The following CECR2 variants were observed in gnomAD, a reference collection of about 807,000 sequenced individuals.
CECR2 encodes CECR2 histone acetyl-lysine reader, also known as chromatin remodeling regulator CECR2.
In CECR2, 30 loss-of-function variants were observed where a neutral mutation model predicts 154.5. The ratio of observed to expected loss-of-function variants is 0.19; its 90% CI spans 0.15 to 0.26. The LOEUF (loss-of-function observed/expected upper bound fraction) is 0.26. Ranked by LOEUF, CECR2 falls within the 10% of genes least tolerant of loss-of-function variation. The probability of loss-of-function intolerance (pLI) is 1.00; values close to 1 mark genes in which losing one functional copy is unlikely to be tolerated. For synonymous variants in CECR2, 725 were observed against 683.7 expected, an observed-to-expected ratio of 1.06 and a Z score of -0.94; for missense variants, 1,743 against 1,829.3, an observed-to-expected ratio of 0.95 and a Z score of 0.86.
At chr22:17,472,299 G>C (rs1484339668) in intron 1 of CECR2, among the ~76,000 whole-genome samples, 1 of 152,216 alleles carries the variant, frequency 6.6e-6, no homozygotes, top group Non-Finnish European at 1.5e-5. Flanking sequence ...AAGTTAGAAA[G>C]CATCAGCTGT....
intron 1 of CECR2, 89 bp from the exon 2 acceptor site, chr22:17,477,499 T>G: frequency 1.1e-6 from 1 of 871,616 alleles, no homozygotes; most frequent in Non-Finnish European, 1.9e-6. Flanking sequence ...GACCATTCAG[T>G]TCTTGGGGCT....
Position 17,369,566 on chromosome 22 carries a change from C to T in CECR2, c.-218C>T, listed in dbSNP as rs1211852610. 1 of 147,894 alleles carries T rather than the reference C, an allele frequency of 6.8e-6. No homozygotes were observed. The highest frequency in any genetic ancestry group is 1.5e-5 in the Non-Finnish European group (1 of 66,338). The allele number at this position is 147,894 out of a possible 1,614,324, so 9.2% of individuals were successfully genotyped here. On this transcript the variant is annotated 5_prime_UTR_variant, in exon 1 of 19. Coordinates refer to ENST00000262608, the MANE Select transcript of CECR2 (RefSeq NM_001290047.2). ...CGCGGACCCCGCGGGCAGCCGCAGC[C>T]GCAGCCGCCTCAGTAGTTCGGGCCC...
At chr22:17,421,072 C>T (rs1415523822) in intron 1 of CECR2, among the ~76,000 whole-genome samples, 1 of 152,196 alleles carries the variant, frequency 6.6e-6, no homozygotes, top group East Asian at 1.9e-4. Flanking sequence ...CTATTTTGAA[C>T]ACACCCATTA....
At chr22:17,440,668 A>G (rs973217612) in intron 1 of CECR2, among the ~76,000 whole-genome samples, 1 of 152,194 alleles carries the variant, frequency 6.6e-6, no homozygotes, top group Admixed American at 6.5e-5. Flanking sequence ...GTATAGCATT[A>G]TATAGCAAAG....
rs2056319432 is a variant in CECR2, at chr22:17,529,510, C to CT, written c.1108+5240dup. ...GGTCAGGAGATCAAGACCATCGTGA[C>CT]TAACACGGTGAAACCCCGTCTCTAC... On this transcript the variant is annotated intron_variant, in intron 9 of 18. Transcript: ENST00000262608. Among the ~76,000 whole-genome samples, 9 of 152,270 alleles carry CT rather than the reference C, an allele frequency of 5.9e-5. No homozygotes were observed. The South Asian group carries it at 1.9e-3, about 32-fold the overall frequency.
chr22:17,376,688 G>T (rs531386989), intron 1 of CECR2, among the ~76,000 whole-genome samples: 2 of 151,620 alleles, frequency 1.3e-5, no homozygotes, highest in Non-Finnish European at 2.9e-5. Flanking sequence ...GCCCAGGCTG[G>T]AGTGCAGTGG....
intron 13 of CECR2, 25 bp from the exon 14 acceptor site, chr22:17,540,387 A>G: frequency 6.7e-7 from 1 of 1,486,038 alleles, no homozygotes; most frequent in Non-Finnish European, 8.9e-7. Flanking sequence ...TATACCTAGA[A>G]GTCAATCCTC....
At chr22:17,369,974 T>G (rs1321342513) in intron 1 of CECR2, 65 bp downstream of exon 1, 1 of 149,964 alleles carries the variant, frequency 6.7e-6, no homozygotes, top group African/African-American at 2.5e-5. Flanking sequence ...CCGCGCGGGG[T>G]GTCCCGGGCC....
At position 17,466,002 on chromosome 22, in the gene CECR2, C is replaced by T. The variant is rs1354523791; in HGVS notation, c.127-11586C>T. Among the ~76,000 whole-genome samples the T allele has an allele frequency of 6.7e-5, 10 of 150,110 alleles. No homozygotes were observed. The South Asian group carries it at 1.0e-3, about 16-fold the overall frequency. ...TGAACATGGTAAAGTAACTACCCCC[C>T]GCTCCTTTATTTATTTATTTATTTA... On this transcript the variant is annotated intron_variant, in intron 1 of 18. Coordinates refer to ENST00000262608, the MANE Select transcript of CECR2 (RefSeq NM_001290047.2).
intron 7 of CECR2, among the ~76,000 whole-genome samples, chr22:17,511,516 T>A (rs1366262198): frequency 2.7e-5 from 3 of 113,152 alleles, no homozygotes; most frequent in African/African-American, 1.1e-4. Context: ...TTTGGGAAGA[T>A]AATTTTTTTT....
chr22:17,521,827 A>T (rs901172816), intron 8 of CECR2, among the ~76,000 whole-genome samples: 1 of 152,182 alleles, frequency 6.6e-6, no homozygotes, highest in Non-Finnish European at 1.5e-5. Context: ...GTCCTTGCCC[A>T]TGCCTATGTC....
intron 1 of CECR2, among the ~76,000 whole-genome samples, chr22:17,393,316 T>C (rs989288511): frequency 2.6e-5 from 4 of 152,242 alleles, no homozygotes; most frequent in African/African-American, 7.2e-5. Flanking sequence ...ATAATGTTTT[T>C]AGGTTTCATC....
chr22:17,488,815 A>G (rs1030427070), intron 2 of CECR2, among the ~76,000 whole-genome samples: 1 of 152,182 alleles, frequency 6.6e-6, no homozygotes, highest in Non-Finnish European at 1.5e-5. Flanking sequence ...TTCTCTTGGG[A>G]ATTGCTGGCG....
chr22:17,511,965 C>T lies in CECR2; in HGVS notation c.954+69C>T, dbSNP rs1023701761. 3.1e-5 allele frequency: 36 copies of T among 1,150,840 alleles called. No homozygotes were observed. In the African/African-American group the frequency reaches 5.2e-4, roughly 16 times the overall value. 71.3% of individuals were successfully genotyped at this position (1,150,840 alleles called of 1,614,324 possible). A position where few individuals can be genotyped will look rare whatever the true frequency, so the allele number is the denominator to read the frequency against. ...AGAGACGGATCCTTTTCATGTACTT[C>T]CATTCCTGCCTTTTTATTTTCCTTC... On this transcript the variant is annotated intron_variant, in intron 8 of 18. Transcript: ENST00000262608.
chr22:17,532,222 T>C (rs570170438), intron 9 of CECR2, among the ~76,000 whole-genome samples: 6 of 152,264 alleles, frequency 3.9e-5, no homozygotes, highest in Non-Finnish European at 8.8e-5. Flanking sequence ...ATTAGTTCCT[T>C]AGGGCTACCA....
Position 17,538,622 on chromosome 22 carries a change from C to G in CECR2, c.1277-18C>G, listed in dbSNP as rs1426596606. On this transcript the variant is annotated intron_variant, in intron 11 of 18. Transcript: ENST00000262608. ...TTTTCCTCTGTGAGTGTGTTAAGAT[C>G]TCTTCTCTGGCTTTCAGTTCTAGAC... is the stretch of plus-strand genomic sequence containing the variant. 1 of 1,613,666 alleles carries G rather than the reference C, an allele frequency of 6.2e-7. No homozygotes were observed. Among genetic ancestry groups the G allele is most frequent in the Non-Finnish European group, 8.5e-7 (1 of 1,179,678 alleles).
intron 1 of CECR2, among the ~76,000 whole-genome samples, chr22:17,453,665 A>G (rs138848106): frequency 1.1e-3 from 174 of 152,302 alleles, no homozygotes; most frequent in Admixed American, 8.6e-3. Flanking sequence ...TGATACCAAC[A>G]TGACTGGCAC....
intron 1 of CECR2, among the ~76,000 whole-genome samples, chr22:17,438,210 C>T (rs998326125): frequency 2.0e-5 from 3 of 152,176 alleles, no homozygotes; most frequent in African/African-American, 4.8e-5. Context: ...GCGTTACAAA[C>T]AGAACATTTC....
chr22:17,500,953 C>T (rs988363873), intron 5 of CECR2, among the ~76,000 whole-genome samples: 4 of 152,202 alleles, frequency 2.6e-5, no homozygotes, highest in Non-Finnish European at 5.9e-5. Context: ...AGTCCTCTTA[C>T]TAGACGATGG....
Sources: gnomAD v4.1 joint callset for allele counts (sites outside exome capture counted in the v4.1 genomes callset) on GRCh38, gnomAD v4.1.1 for gene constraint, MANE v1.5 for transcripts, NCBI Gene and HGNC (gene_info 2026-07-23, HGNC 2026-07-21) for gene names.